MACROD2: variants seen among roughly 807,000 people sequenced by gnomAD.
MACROD2 encodes the protein mono-ADP ribosylhydrolase 2, also known as ADP-ribose glycohydrolase MACROD2.
Under a neutral mutation model 70.4 loss-of-function variants are expected in MACROD2, and 36 were observed. That is an observed-to-expected ratio of 0.51 (90% CI 0.39 to 0.68). The LOEUF (loss-of-function observed/expected upper bound fraction) is 0.68, where lower values mean the gene tolerates loss of function less well. MACROD2 is among the 30% of genes least tolerant of loss of function. The pLI is 0.00. For synonymous variants in MACROD2, 172 were observed against 178.8 expected (o/e 0.96, Z 0.30); for missense variants, 496 against 538.4 (o/e 0.92, Z 0.78).
chr20:15,232,709 C>T (rs985863617), intron 6 of MACROD2, among the ~76,000 whole-genome samples: 2 of 152,024 alleles, frequency 1.3e-5, no homozygotes, highest in African/African-American at 4.8e-5. Context: ...AACACCAGAA[C>T]TCTAGACATT....
chr20:15,555,004 C>T (rs949427128), intron 8 of MACROD2, among the ~76,000 whole-genome samples: 5 of 152,168 alleles, frequency 3.3e-5, no homozygotes, highest in African/African-American at 1.2e-4. Flanking sequence ...AATGCAGATG[C>T]TACATTTCTA....
chr20:15,775,955 C>T (rs1449413648), intron 8 of MACROD2, among the ~76,000 whole-genome samples: 1 of 152,126 alleles, frequency 6.6e-6, no homozygotes, highest in Non-Finnish European at 1.5e-5. Flanking sequence ...AATTTATAAG[C>T]ATACACCTAA....
intron 5 of MACROD2, among the ~76,000 whole-genome samples, chr20:14,931,475 C>G (rs1183138343): frequency 6.6e-6 from 1 of 152,038 alleles, no homozygotes; most frequent in African/African-American, 2.4e-5. Context: ...CCAGCTTGAC[C>G]ACTCCTGGAT....
chr20:14,970,164 A>T (rs973107727), intron 5 of MACROD2, among the ~76,000 whole-genome samples: 1 of 152,144 alleles, frequency 6.6e-6, no homozygotes, highest in African/African-American at 2.4e-5. Flanking sequence ...AGAGAAAGAG[A>T]GCCAAGCAAA....
intron 5 of MACROD2, among the ~76,000 whole-genome samples, chr20:15,038,385 C>T (rs1195368767): frequency 2.6e-5 from 4 of 152,184 alleles, no homozygotes; most frequent in South Asian, 2.1e-4. Flanking sequence ...TTGTAAATGA[C>T]GTTTTATTTA....
chr20:15,174,417 G>C (rs1370089258), intron 5 of MACROD2, among the ~76,000 whole-genome samples: 1 of 151,644 alleles, frequency 6.6e-6, no homozygotes, highest in Non-Finnish European at 1.5e-5. Context: ...TGGACATTTG[G>C]GTTGGTTCCA....
intron 5 of MACROD2, among the ~76,000 whole-genome samples, chr20:14,822,210 A>C (rs1339441019): frequency 1.3e-5 from 2 of 152,102 alleles, no homozygotes; most frequent in African/African-American, 4.8e-5. Flanking sequence ...TTATCCTTCA[A>C]TGATTTTTTA....
chr20:14,159,471 T>A (rs2055152656), intron 3 of MACROD2, among the ~76,000 whole-genome samples: 1 of 152,180 alleles, frequency 6.6e-6, no homozygotes, highest in Non-Finnish European at 1.5e-5. Context: ...TTCTTAGGTA[T>A]TTTTTTGTGG....
At chr20:16,042,410 C>T (rs1394934498) in intron 16 of MACROD2, among the ~76,000 whole-genome samples, 4 of 151,960 alleles carry the variant, frequency 2.6e-5, no homozygotes, top group Non-Finnish European at 4.4e-5. Context: ...CTATCAGGCC[C>T]ATGAATAAAA....
At chr20:14,617,592 G>A (rs1334311346) in intron 4 of MACROD2, among the ~76,000 whole-genome samples, 1 of 151,936 alleles carries the variant, frequency 6.6e-6, no homozygotes, top group East Asian at 1.9e-4. Context: ...ACTCATCTAG[G>A]TTGCTTCACA....
At chr20:14,086,886 CT>C (rs2148670165) in intron 3 of MACROD2, among the ~76,000 whole-genome samples, 1 of 152,222 alleles carries the variant, frequency 6.6e-6, no homozygotes, top group African/African-American at 2.4e-5. Context: ...TTGACTGTGG[CT>C]CTTTCCAAGA....
intron 3 of MACROD2, among the ~76,000 whole-genome samples, chr20:14,474,676 C>T (rs773649396): frequency 2.0e-5 from 3 of 152,054 alleles, no homozygotes; most frequent in Non-Finnish European, 4.4e-5. Flanking sequence ...TACATATTTA[C>T]AATTTTATTT....
intron 12 of MACROD2, among the ~76,000 whole-genome samples, chr20:15,943,958 A>G (rs1234397925): frequency 6.6e-6 from 1 of 152,120 alleles, no homozygotes; most frequent in Admixed American, 6.6e-5. Context: ...TCATTTAACA[A>G]TAATACTGTG....
chr20:15,615,063 A>G (rs2049018968), intron 8 of MACROD2, among the ~76,000 whole-genome samples: 1 of 152,054 alleles, frequency 6.6e-6, no homozygotes, highest in Admixed American at 6.5e-5. Context: ...CTCATTTGCT[A>G]CTGACTTTCC....
chr20:15,971,336 G>C (rs183627518), intron 13 of MACROD2, among the ~76,000 whole-genome samples: 1 of 152,242 alleles, frequency 6.6e-6, no homozygotes, highest in Admixed American at 6.5e-5. Context: ...GGAGGTAATT[G>C]AATCACAGGG....
rs1217788317 is a variant in MACROD2, at chr20:15,822,617, AATG to A, written c.646-40125_646-40123del. On this transcript the variant is annotated intron_variant, in intron 8 of 17. Transcript: ENST00000684519. Reference sequence around the variant, plus strand: ...AAGATAAGTCCTAACAGCATTATTGAATGATAACATTATTGAAATAACTTTAAT... The same window carrying A: ...AAGATAAGTCCTAACAGCATTATTGAATAACATTATTGAAATAACTTTAAT... 9.8e-5 allele frequency among the ~76,000 whole-genome samples: 15 copies of A among 152,336 alleles called. No homozygotes were observed. In the South Asian group the frequency reaches 2.9e-3, roughly 29 times the overall value.
At chr20:14,855,983 G>T (rs2073251934) in intron 5 of MACROD2, among the ~76,000 whole-genome samples, 1 of 37,706 alleles carries the variant, frequency 2.7e-5, no homozygotes, top group Admixed American at 1.6e-4. Context: ...AATGCAGCTT[G>T]TTATTTAAAA....
At chr20:15,260,744 G>T (rs920203666) in intron 6 of MACROD2, among the ~76,000 whole-genome samples, 2 of 151,808 alleles carry the variant, frequency 1.3e-5, no homozygotes, top group African/African-American at 4.8e-5. Context: ...TTGTATGAAG[G>T]CTCCTCCCCT....
At chr20:16,022,628 AG>A (rs2067019512) in intron 15 of MACROD2, among the ~76,000 whole-genome samples, 1 of 152,180 alleles carries the variant, frequency 6.6e-6, no homozygotes. Flanking sequence ...AATTATCCTG[AG>A]TATATCCAAT....
Sources: allele counts gnomAD v4.1 joint callset (sites outside exome capture counted in the v4.1 genomes callset), GRCh38; gene constraint gnomAD v4.1.1; transcripts MANE v1.5; gene names NCBI Gene and HGNC (gene_info 2026-07-23, HGNC 2026-07-21).